Variants in ANKFY1 observed in about 807,000 individuals in gnomAD.
The protein encoded by ANKFY1 is ankyrin repeat and FYVE domain-containing protein 1.
Under a neutral mutation model 128.3 loss-of-function variants are expected in ANKFY1, and 47 were observed. The observed-to-expected ratio is 0.37, with a 90% confidence interval of 0.29 to 0.47. The LOEUF is 0.47. ANKFY1 is among the 20% of genes least tolerant of loss of function. The pLI, the probability that ANKFY1 is intolerant of heterozygous loss-of-function variation, is 1.00. For missense variants in ANKFY1, 1,222 were observed against 1,510.6 expected (o/e 0.81, Z 3.17); for synonymous variants, 553 against 601.6 (o/e 0.92, Z 1.18).
intron 8 of ANKFY1, among the ~76,000 whole-genome samples, chr17:4,196,195 C>T (rs868518424): frequency 7.2e-6 from 1 of 138,084 alleles, no homozygotes; most frequent in Non-Finnish European, 1.5e-5. Context: ...ACACACACTG[C>T]GAGTTTATTG....
Position 4,178,596 on chromosome 17 carries a change from G to T in ANKFY1, c.2598+261C>A. 1 of 532,180 alleles carries T rather than the reference G, an allele frequency of 1.9e-6. No homozygotes were observed. The highest frequency in any genetic ancestry group is 3.3e-5 in the East Asian group (1 of 30,132). 33.0% of individuals were successfully genotyped at this position (532,180 alleles called of 1,614,324 possible). Reference sequence around the variant, plus strand: ...GCAAAGAATGAGCTCAACTGTACATGCCACAGAATTCCTACGATGGAGCCC... The same window carrying T: ...GCAAAGAATGAGCTCAACTGTACATTCCACAGAATTCCTACGATGGAGCCC... On this transcript the variant is annotated intron_variant, in intron 18 of 24. Coordinates refer to ENST00000341657, the MANE Select transcript of ANKFY1 (RefSeq NM_001330063.2). This position sits in a 1 kb window ranked among gnomAD's most constrained non-coding sequence, Gnocchi z 4.1.
At chr17:4,217,448 G>C (rs1391745073) in intron 3 of ANKFY1, among the ~76,000 whole-genome samples, 1 of 152,128 alleles carries the variant, frequency 6.6e-6, no homozygotes, top group Non-Finnish European at 1.5e-5. Flanking sequence ...TACTCGGGCT[G>C]AGGCAGGAGA....
intron 3 of ANKFY1, 131 bp downstream of exon 3, chr17:4,235,641 C>T: frequency 1.4e-6 from 1 of 692,542 alleles, no homozygotes; most frequent in Non-Finnish European, 2.6e-6. Context: ...TTAACTAGTT[C>T]ATGGTTGCCA....
chr17:4,179,173 C>T (rs2059463565), intron 17 of ANKFY1, 116 bp from the exon 18 acceptor site: 1 of 1,138,716 alleles, frequency 8.8e-7, no homozygotes, highest in Non-Finnish European at 1.3e-6. Flanking sequence ...AATACTACCA[C>T]CCTGTGTTTG....
At position 4,231,442 on chromosome 17, in the gene ANKFY1, T is replaced by C. The variant is rs180808855; in HGVS notation, c.322+4330A>G. On this transcript the variant is annotated intron_variant, in intron 3 of 24. Transcript: ENST00000341657. ...AGTTCAAGGCTTCAGTGAGCCGCGA[T>C]AGTGTCACTGCATTCCAGCCTGGGC... Among the ~76,000 whole-genome samples the C allele has an allele frequency of 2.9e-3, 447 of 152,096 alleles. 2 individuals carry two copies. The highest frequency in any genetic ancestry group is 3.1e-3 in the Non-Finnish European group (214 of 67,980).
intron 6 of ANKFY1, 33 bp downstream of exon 6, chr17:4,207,900 G>A (rs2060055106): frequency 2.6e-6 from 4 of 1,539,274 alleles, no homozygotes; most frequent in Non-Finnish European, 3.5e-6. Context: ...TAGAGTTTCG[G>A]GAAATGAAGA....
intron 4 of ANKFY1, among the ~76,000 whole-genome samples, chr17:4,214,511 C>T (rs2060187599): frequency 6.6e-6 from 1 of 150,414 alleles, no homozygotes; most frequent in South Asian, 2.1e-4. Flanking sequence ...GATACAAAAA[C>T]GATAAACCTA....
intron 1 of ANKFY1, among the ~76,000 whole-genome samples, chr17:4,254,503 C>T (rs941295334): frequency 6.6e-6 from 1 of 152,222 alleles, no homozygotes; most frequent in East Asian, 1.9e-4. Flanking sequence ...CTCCTAGAGC[C>T]TCCAGAGGGA....
intron 10 of ANKFY1, among the ~76,000 whole-genome samples, chr17:4,193,734 A>T (rs2143009147): frequency 6.8e-6 from 1 of 147,718 alleles, no homozygotes; most frequent in South Asian, 2.1e-4. Flanking sequence ...GCTGACCTTT[A>T]ATTTTTTTTT....
intron 4 of ANKFY1, among the ~76,000 whole-genome samples, chr17:4,210,232 AC>A (rs981438104): frequency 1.3e-5 from 2 of 152,194 alleles, no homozygotes; most frequent in African/African-American, 4.8e-5. Context: ...CACATACGAC[AC>A]CCGCTGATCA....
At chr17:4,192,704 T>C (rs988601168) in intron 10 of ANKFY1, among the ~76,000 whole-genome samples, 2 of 152,192 alleles carry the variant, frequency 1.3e-5, no homozygotes, top group Non-Finnish European at 2.9e-5. Flanking sequence ...TATCTCCCAA[T>C]AGAACAAAGA....
chr17:4,194,105 T>TATATATATA, intron 10 of ANKFY1, among the ~76,000 whole-genome samples: 1 of 51,578 alleles, frequency 1.9e-5, no homozygotes, highest in East Asian at 6.2e-4. Flanking sequence ...ATATATATAT[T>TATATATATA]TTTTTTTTTT....
rs1225068676 is a variant in ANKFY1 at position 4,181,341 on chromosome 17, C to T, written c.2153G>A (p.Gly718Asp). The T allele has an allele frequency of 6.2e-7, 1 of 1,614,122 alleles. No homozygotes were observed. Among genetic ancestry groups the T allele is most frequent in the Middle Eastern group, 1.6e-4 (1 of 6,062 alleles). The change falls in exon 16 of 25, where the codon GGT (glycine) becomes GAT (aspartate). Residue 718 changes from glycine (G) to aspartate (D), a missense_variant. Coordinates refer to ENST00000341657, the MANE Select transcript of ANKFY1 (RefSeq NM_001330063.2). The surrounding 1 kb of genome is among the most constrained non-coding windows in gnomAD (Gnocchi z 4.9). ...VRHGCDATCWGPGPGGCLQTL... is the reference protein window; with the variant it reads ...VRHGCDATCWDPGPGGCLQTL... ...CTGAAGGCACCCACCAGGTCCCGGA[C>T]CCCAGCATGTGGCATCACAGCCATG...
At chr17:4,226,601 G>A (rs1177157015) in intron 3 of ANKFY1, among the ~76,000 whole-genome samples, 2 of 151,654 alleles carry the variant, frequency 1.3e-5, no homozygotes, top group East Asian at 1.9e-4. Flanking sequence ...AATATAGCTG[G>A]GCGTGGTGGC....
At chr17:4,211,105 A>G (rs1026302730) in intron 4 of ANKFY1, among the ~76,000 whole-genome samples, 5 of 152,144 alleles carry the variant, frequency 3.3e-5, no homozygotes, top group East Asian at 1.9e-4. Context: ...TAATGTTTTG[A>G]AAAAAACAGC....
chr17:4,199,828 T>C (rs1190972898), intron 7 of ANKFY1, among the ~76,000 whole-genome samples: 1 of 152,224 alleles, frequency 6.6e-6, no homozygotes, highest in Non-Finnish European at 1.5e-5. Flanking sequence ...AGATTAAAAG[T>C]TCAGTCTTTC....
rs763032829 is a variant in ANKFY1 at position 4,263,951 on chromosome 17, G to T, written c.-10C>A. 4.0e-5 allele frequency: 64 copies of T among 1,613,876 alleles called. No homozygotes were observed. In the Admixed American group the frequency reaches 1.0e-3, roughly 26 times the overall value. On this transcript the variant is annotated 5_prime_UTR_variant, in exon 1 of 25. Coordinates refer to ENST00000341657, the MANE Select transcript of ANKFY1 (RefSeq NM_001330063.2). ...CCCTACCTTCCGCCATGTCTGGCCC[G>T]GCACTGCCTGCAACCTCGCGAGAAG...
chr17:4,243,844 C>G (rs967116627), intron 1 of ANKFY1, among the ~76,000 whole-genome samples: 1 of 152,140 alleles, frequency 6.6e-6, no homozygotes, highest in African/African-American at 2.4e-5. Flanking sequence ...TCAGTGTTCA[C>G]GAGGCGCTGG....
At chr17:4,179,131 T>G (rs2059462730) in intron 17 of ANKFY1, 74 bp from the exon 18 acceptor site, 10 of 1,501,752 alleles carry the variant, frequency 6.7e-6, no homozygotes, top group Non-Finnish European at 9.2e-6. Flanking sequence ...GGGTATAACT[T>G]TTAAATCAAA....
Sources: allele counts gnomAD v4.1 joint callset (sites outside exome capture counted in the v4.1 genomes callset), GRCh38; gene constraint gnomAD v4.1.1; non-coding constraint Gnocchi (gnomAD v3.1); transcripts MANE v1.5; gene names NCBI Gene and HGNC (gene_info 2026-07-23, HGNC 2026-07-21).